The following DENND1A variants were observed in gnomAD, a reference collection of about 807,000 sequenced individuals.
The protein encoded by DENND1A is DENN domain containing 1A, also known as DENN domain-containing protein 1A.
DENND1A carries 51 observed loss-of-function variants against 113.7 expected under a neutral mutation model. The ratio of observed to expected loss-of-function variants is 0.45; its 90% CI spans 0.36 to 0.57. The LOEUF is 0.57. Among genes scored for constraint, DENND1A ranks in the 20% least tolerant of loss-of-function variants. The pLI, the probability that DENND1A is intolerant of heterozygous loss-of-function variation, is 0.00. For missense variants in DENND1A, 1,258 were observed against 1,395.9 expected, an observed-to-expected ratio of 0.90 and a Z score of 1.57; for synonymous variants, 565 against 570.8, an observed-to-expected ratio of 0.99 and a Z score of 0.14.
In DENND1A at chr9:123,381,313, G is replaced by T; in HGVS notation, c.*119C>A. ...AGGGGAGGAGGGGGCAGCAGAGAGG[G>T]GTCCCATCCCTTCCCACCAGCAGAA... On this transcript the variant is annotated 3_prime_UTR_variant, in exon 24 of 24. Coordinates refer to ENST00000394215, the MANE Select transcript of DENND1A (RefSeq NM_001352964.2). The surrounding 1 kb of genome is among the most constrained non-coding windows in gnomAD (Gnocchi z 4.7). 1 of 958,698 alleles carries T rather than the reference G, an allele frequency of 1.0e-6. No individual in the cohort carries two copies. The highest frequency in any genetic ancestry group is 1.6e-6 in the Non-Finnish European group (1 of 640,566). The allele number at this position is 958,698 out of a possible 1,614,324, so 59.4% of individuals were successfully genotyped here. A position where few individuals can be genotyped will look rare whatever the true frequency, so the allele number is the denominator to read the frequency against.
In DENND1A at chr9:123,386,499, A is replaced by C. The variant is rs529075912; in HGVS notation, c.1760+1231T>G. Among the ~76,000 whole-genome samples the C allele has an allele frequency of 4.4e-4, 66 of 151,410 alleles. No individual in the cohort carries two copies. The East Asian group carries it at 0.013, about 29-fold the overall frequency. ...CGGGTTCAAGTGATTCTCGTGCCTC[A>C]GCCTCCTGAGTAGCTGGGATTACAG... is the stretch of plus-strand genomic sequence containing the variant. On this transcript the variant is annotated intron_variant, in intron 22 of 23. Coordinates refer to ENST00000394215, the MANE Select transcript of DENND1A (RefSeq NM_001352964.2).
rs978413172 is a variant in DENND1A, at chr9:123,889,648, G to GA, written c.18-10628dup. 4.6e-5 allele frequency among the ~76,000 whole-genome samples: 7 copies of GA among 151,968 alleles called. No homozygotes were observed. The South Asian group carries it at 1.0e-3, about 23-fold the overall frequency. On this transcript the variant is annotated intron_variant, in intron 1 of 23. Coordinates refer to ENST00000394215, the MANE Select transcript of DENND1A (RefSeq NM_001352964.2). ...AAGAAAAAGTCTCTCCTCTACAGAG[G>GA]AAAAAAAATACTGAATAAATGCAAT...
At chr9:123,616,244 A>T (rs1272008234) in intron 10 of DENND1A, among the ~76,000 whole-genome samples, 2 of 152,180 alleles carry the variant, frequency 1.3e-5, no homozygotes, top group African/African-American at 2.4e-5. Flanking sequence ...TATAGACTTA[A>T]AAAGGTATTC....
At chr9:123,717,854 A>G (rs1052758513) in intron 5 of DENND1A, among the ~76,000 whole-genome samples, 6 of 152,334 alleles carry the variant, frequency 3.9e-5, no homozygotes, top group Admixed American at 6.5e-5. Flanking sequence ...TAGTTGGAAT[A>G]GCCCCCTATC....
intron 11 of DENND1A, among the ~76,000 whole-genome samples, chr9:123,586,205 G>A (rs969827538): frequency 4.6e-5 from 7 of 152,060 alleles, no homozygotes; most frequent in African/African-American, 1.4e-4. Context: ...CAAACAGAAG[G>A]GAGCAGGAGA....
At chr9:123,492,815 CTTTG>C (rs1249102841) in intron 13 of DENND1A, 1 of 152,180 alleles carries the variant, frequency 6.6e-6, no homozygotes, top group Non-Finnish European at 1.5e-5. Context: ...AACATCGTCT[CTTTG>C]TTTGAGGATC....
At chr9:123,789,284 T>C (rs915829776) in intron 3 of DENND1A, among the ~76,000 whole-genome samples, 1 of 152,122 alleles carries the variant, frequency 6.6e-6, no homozygotes, top group Admixed American at 6.6e-5. Flanking sequence ...GAAATCACTT[T>C]GTCAGTAATT....
intron 21 of DENND1A, among the ~76,000 whole-genome samples, chr9:123,391,810 C>T (rs2042863359): frequency 6.8e-6 from 1 of 147,422 alleles, no homozygotes. Context: ...CCCAATTCAG[C>T]TACTCCCCTG....
At chr9:123,530,018 G>A (rs889628429) in intron 13 of DENND1A, among the ~76,000 whole-genome samples, 2 of 152,072 alleles carry the variant, frequency 1.3e-5, no homozygotes, top group Non-Finnish European at 2.9e-5. Context: ...TAAAGAGTTC[G>A]CCAGAACAAA....
intron 13 of DENND1A, among the ~76,000 whole-genome samples, chr9:123,546,476 T>C (rs921231281): frequency 3.3e-5 from 5 of 151,592 alleles, no homozygotes; most frequent in Middle Eastern, 3.4e-3. Context: ...GGTGTGAACC[T>C]GGGAGGCGGA....
chr9:123,769,615 A>G (rs1829399805), intron 3 of DENND1A, 52 bp from the exon 4 acceptor site: 1 of 1,495,938 alleles, frequency 6.7e-7, no homozygotes, highest in Non-Finnish European at 9.1e-7. Flanking sequence ...CAGTAAATCT[A>G]ACATTAACCA....
chr9:123,662,009 G>A, intron 8 of DENND1A, among the ~76,000 whole-genome samples: 1 of 152,114 alleles, frequency 6.6e-6, no homozygotes, highest in East Asian at 1.9e-4. Flanking sequence ...CAGCTCTAAA[G>A]GACATGAGTT....
intron 2 of DENND1A, among the ~76,000 whole-genome samples, chr9:123,836,728 G>T (rs1366873722): frequency 6.6e-6 from 1 of 151,668 alleles, no homozygotes; most frequent in African/African-American, 2.4e-5. Flanking sequence ...AATGTATACA[G>T]GTATACATTT....
At chr9:123,425,385 G>A (rs1018591529) in intron 19 of DENND1A, among the ~76,000 whole-genome samples, 4 of 152,280 alleles carry the variant, frequency 2.6e-5, no homozygotes, top group Non-Finnish European at 5.9e-5. Flanking sequence ...TCACACCGCT[G>A]AAGGTGGAGC....
intron 13 of DENND1A, among the ~76,000 whole-genome samples, chr9:123,517,548 G>C (rs184920431): frequency 6.6e-6 from 1 of 150,580 alleles, no homozygotes; most frequent in Admixed American, 6.6e-5. Context: ...GAACCCAGGA[G>C]GGGGAGGTTG....
chr9:123,401,595 G>C (rs536649971), intron 21 of DENND1A: 2 of 1,411,960 alleles, frequency 1.4e-6, no homozygotes, highest in South Asian at 3.1e-5. Context: ...TGGCTCCCAT[G>C]CTCCCACTGG....
Position 123,671,745 on chromosome 9 carries a change from T to C in DENND1A, c.373-374A>G, listed in dbSNP as rs115865665. 9.0e-4 allele frequency among the ~76,000 whole-genome samples: 137 copies of C among 152,320 alleles called. 1 individual carries two copies. Among genetic ancestry groups the C allele is most frequent in the African/African-American group, 3.1e-3 (130 of 41,574 alleles). On this transcript the variant is annotated intron_variant, in intron 6 of 23. Transcript: ENST00000394215. ...GTTAGGAGAAATAACGATGACACTA[T>C]AGATCTTGTCTTCATCATCATTACC...
At chr9:123,391,341 A>G (rs751168701) in intron 21 of DENND1A, among the ~76,000 whole-genome samples, 7 of 152,228 alleles carry the variant, frequency 4.6e-5, no homozygotes, top group Non-Finnish European at 1.0e-4. Context: ...TGTCGAGTCC[A>G]GGCCACATGG....
At chr9:123,809,761 C>A (rs192331254) in intron 2 of DENND1A, among the ~76,000 whole-genome samples, 8 of 152,158 alleles carry the variant, frequency 5.3e-5, no homozygotes, top group Non-Finnish European at 1.0e-4. Flanking sequence ...ACCTCCACCC[C>A]CTGAGTTCCA....
Sources: allele counts gnomAD v4.1 joint callset (sites outside exome capture counted in the v4.1 genomes callset), GRCh38; gene constraint gnomAD v4.1.1; non-coding constraint Gnocchi (gnomAD v3.1); transcripts MANE v1.5; gene names NCBI Gene and HGNC (gene_info 2026-07-23, HGNC 2026-07-21).